The following KCNN2 variants were observed in gnomAD, a reference collection of about 807,000 sequenced individuals.
KCNN2 encodes potassium calcium-activated channel subfamily N member 2.
Under a neutral mutation model 55.5 loss-of-function variants are expected in KCNN2, and 24 were observed. The ratio of observed to expected loss-of-function variants is 0.43; its 90% CI spans 0.31 to 0.61. The LOEUF (loss-of-function observed/expected upper bound fraction) is 0.61. Ranked by LOEUF, KCNN2 falls within the 20% of genes least tolerant of loss-of-function variation. The pLI is 0.08. For missense variants in KCNN2, 754 were observed against 853.6 expected, an observed-to-expected ratio of 0.88 and a Z score of 1.45; for synonymous variants, 431 against 336.1, an observed-to-expected ratio of 1.28 and a Z score of -3.09.
intron 2 of KCNN2, among the ~76,000 whole-genome samples, chr5:114,307,971 T>G (rs1756317818): frequency 6.6e-6 from 1 of 152,104 alleles, no homozygotes; most frequent in Non-Finnish European, 1.5e-5. Context: ...CTCCTATACA[T>G]AATCTACTCA....
chr5:114,362,247 G>T lies in KCNN2; in HGVS notation c.108G>T (p.Lys36Asn). 5.9e-6 allele frequency: 1 copy of T among 169,962 alleles called. No individual in the cohort carries two copies. The highest frequency in any genetic ancestry group is 1.2e-5 in the Non-Finnish European group (1 of 80,040). The allele number at this position is 169,962 out of a possible 1,614,324, so 10.5% of individuals were successfully genotyped here. Residue 36 changes from lysine (K) to asparagine (N), a missense_variant, in exon 1 of 8, where the codon AAG becomes AAT. By Grantham distance (94) the Lys-to-Asn change is moderately conservative. Coordinates refer to ENST00000673685, the MANE Select transcript of KCNN2 (RefSeq NM_021614.4). ...HCQQQQQSQD[K>N]PCPPFAPLPH... ...AGCAGCAGCAACAGAGCCAGGACAA[G>T]CCGTGCCCGCCCTTCGCGCCCCTCC...
chr5:114,224,098 C>G (rs1390148832), intron 2 of KCNN2, among the ~76,000 whole-genome samples: 1 of 152,150 alleles, frequency 6.6e-6, no homozygotes, highest in Non-Finnish European at 1.5e-5. Context: ...TAATATCTCT[C>G]TCTGGTGCCC....
intron 1 of KCNN2, among the ~76,000 whole-genome samples, chr5:114,127,390 A>G (rs1580536970): frequency 2.0e-5 from 3 of 152,026 alleles, no homozygotes. Flanking sequence ...ACTTTTGTAT[A>G]CCTGCAGGCT....
At chr5:114,244,014 C>G (rs1429189612) in intron 2 of KCNN2, among the ~76,000 whole-genome samples, 1 of 152,136 alleles carries the variant, frequency 6.6e-6, no homozygotes, top group Non-Finnish European at 1.5e-5. Context: ...AATGTTAACC[C>G]TAAGAGAAAC....
chr5:114,294,105 A>T (rs1755954992), intron 2 of KCNN2, among the ~76,000 whole-genome samples: 1 of 151,858 alleles, frequency 6.6e-6, no homozygotes, highest in Non-Finnish European at 1.5e-5. Context: ...TAGTCTTGCT[A>T]GCGGTCTATC....
At chr5:114,317,881 T>C (rs772417105) in intron 2 of KCNN2, among the ~76,000 whole-genome samples, 8 of 152,208 alleles carry the variant, frequency 5.3e-5, no homozygotes, top group Non-Finnish European at 8.8e-5. Context: ...TGCCTGCCCA[T>C]CTTCACGGCA....
chr5:114,369,362 G>C (rs1339966738), intron 2 of KCNN2, among the ~76,000 whole-genome samples: 1 of 152,162 alleles, frequency 6.6e-6, no homozygotes. Flanking sequence ...GGAGTTATCA[G>C]AAGCAAATGT....
intron 3 of KCNN2, among the ~76,000 whole-genome samples, chr5:114,412,980 G>A (rs1759182546): frequency 6.6e-6 from 1 of 152,158 alleles, no homozygotes; most frequent in Non-Finnish European, 1.5e-5. Context: ...TGTGGTTGAT[G>A]GCAATGTAAT....
intron 6 of KCNN2, among the ~76,000 whole-genome samples, chr5:114,490,297 C>G (rs971807195): frequency 1.1e-4 from 17 of 151,986 alleles, no homozygotes; most frequent in Non-Finnish European, 8.8e-5. Context: ...AAAGATGTAC[C>G]CCCCCAAAAA....
rs1163383346 is a variant in KCNN2 at position 114,285,955 on chromosome 5, T to G, written c.-185+64390T>G. 4.4e-4 allele frequency among the ~76,000 whole-genome samples: 67 copies of G among 151,042 alleles called. 1 individual carries two copies. In the Admixed American group the frequency reaches 4.4e-3, roughly 10 times the overall value. On this transcript the variant is annotated intron_variant, in intron 2 of 10. Coordinates refer to the KCNN2 transcript ENST00000512097. Reference sequence around the variant, plus strand: ...TTTTTCTCTGACGGAGTTTCACCCTTGTTGCCCAGGCTGGAGTGCAATGGC... The same window carrying G: ...TTTTTCTCTGACGGAGTTTCACCCTGGTTGCCCAGGCTGGAGTGCAATGGC...
chr5:114,465,972 A>C (rs1269876682), intron 4 of KCNN2, among the ~76,000 whole-genome samples: 1 of 152,180 alleles, frequency 6.6e-6, no homozygotes, highest in Non-Finnish European at 1.5e-5. Flanking sequence ...GCAGTTGATT[A>C]CATCTTACAT....
intron 2 of KCNN2, among the ~76,000 whole-genome samples, chr5:114,241,865 A>G (rs1370271401): frequency 7.7e-6 from 1 of 129,856 alleles, no homozygotes; most frequent in Non-Finnish European, 1.7e-5. Context: ...AGGACCACCA[A>G]AATTAGACAG....
intron 1 of KCNN2, among the ~76,000 whole-genome samples, chr5:114,090,880 A>G (rs998741097): frequency 6.6e-6 from 1 of 151,724 alleles, no homozygotes; most frequent in African/African-American, 2.4e-5. Flanking sequence ...ACAGGGTCTC[A>G]CTCTGTTGCC....
At chr5:114,301,545 C>T (rs946656915) in intron 2 of KCNN2, among the ~76,000 whole-genome samples, 9 of 152,130 alleles carry the variant, frequency 5.9e-5, no homozygotes, top group Admixed American at 6.6e-5. Flanking sequence ...TCCCCTTCTC[C>T]CTGGTAGTCA....
intron 2 of KCNN2, among the ~76,000 whole-genome samples, chr5:114,302,963 A>G (rs889933512): frequency 6.6e-6 from 1 of 152,228 alleles, no homozygotes; most frequent in Non-Finnish European, 1.5e-5. Flanking sequence ...AAGAGGCTCC[A>G]TAGACAGGAA....
Position 114,333,790 on chromosome 5 carries a change from C to G in KCNN2, c.-184-27155C>G, listed in dbSNP as rs56246354. ...CAATAAATTCAACAAATTCAAGGAA[C>G]TAAAATGTTTTTAATAGACAAAAGT... On this transcript the variant is annotated intron_variant, in intron 2 of 10. Transcript: ENST00000512097. 1.2e-3 allele frequency among the ~76,000 whole-genome samples: 182 copies of G among 152,236 alleles called. 1 individual carries two copies. The highest frequency in any genetic ancestry group is 4.2e-3 in the African/African-American group (175 of 41,560).
intron 1 of KCNN2, among the ~76,000 whole-genome samples, chr5:114,178,590 A>G (rs1753181065): frequency 6.6e-6 from 1 of 152,184 alleles, no homozygotes; most frequent in South Asian, 2.1e-4. Flanking sequence ...AACCTCTACA[A>G]TGCATAATTT....
chr5:114,083,587 A>T (rs913209290), intron 1 of KCNN2, among the ~76,000 whole-genome samples: 3 of 152,202 alleles, frequency 2.0e-5, no homozygotes, highest in Non-Finnish European at 2.9e-5. Flanking sequence ...GATAATATGG[A>T]GTTCCCATGT....
chr5:114,300,437 A>G (rs1187500774), intron 2 of KCNN2, among the ~76,000 whole-genome samples: 1 of 152,224 alleles, frequency 6.6e-6, no homozygotes, highest in Non-Finnish European at 1.5e-5. Context: ...GAATATTTCA[A>G]AACATTGTCT....
Sources: allele counts gnomAD v4.1 joint callset (sites outside exome capture counted in the v4.1 genomes callset), GRCh38; gene constraint gnomAD v4.1.1; transcripts MANE v1.5; gene names NCBI Gene and HGNC (gene_info 2026-07-23, HGNC 2026-07-21).